HSDL1: variants seen among roughly 807,000 people sequenced by gnomAD.
The protein encoded by HSDL1 is hydroxysteroid dehydrogenase like 1.
Under a neutral mutation model 31.5 loss-of-function variants are expected in HSDL1, and 29 were observed. That is an observed-to-expected ratio of 0.92 (90% CI 0.69 to 1.26). The LOEUF is 1.26. Among genes scored for constraint, HSDL1 ranks in the 50% most tolerant of loss-of-function variants. The pLI is 0.00. For missense variants in HSDL1, 503 were observed against 416.6 expected, an observed-to-expected ratio of 1.21 and a Z score of -1.81; for synonymous variants, 222 against 155.2, an observed-to-expected ratio of 1.43 and a Z score of -3.20.
intron 2 of HSDL1, among the ~76,000 whole-genome samples, chr16:84,135,209 G>GGCAACACCCAAGACCCC (rs1214581779): frequency 6.6e-6 from 1 of 151,100 alleles, no homozygotes; most frequent in African/African-American, 2.4e-5. Flanking sequence ...CTCCAGCCTG[G>GGCAACACCCAAGACCCC]ACGACAGAGG....
rs895544428 is a variant in HSDL1, at chr16:84,123,271, C to T, written c.*1359G>A. On this transcript the variant is annotated 3_prime_UTR_variant, in exon 6 of 6. Coordinates refer to ENST00000219439, the MANE Select transcript of HSDL1 (RefSeq NM_031463.5). ...TAGGTCTGCTTATGATAGATTATCA[C>T]GTCACGAAAAAAATGCCACAGAAGT... is the stretch of plus-strand genomic sequence containing the variant. 3.3e-5 allele frequency: 5 copies of T among 152,170 alleles called. No individual in the cohort carries two copies. The highest frequency in any genetic ancestry group is 1.9e-4 in the East Asian group (1 of 5,204). The allele number at this position is 152,170 out of a possible 1,614,324, so 9.4% of individuals were successfully genotyped here. A position where few individuals can be genotyped will look rare whatever the true frequency, so the allele number is the denominator to read the frequency against.
intron 1 of HSDL1, among the ~76,000 whole-genome samples, chr16:84,136,587 C>A (rs969846332): frequency 1.3e-5 from 2 of 152,218 alleles, no homozygotes; most frequent in Admixed American, 1.3e-4. Flanking sequence ...GCTAAACCCA[C>A]CAGGGACCTC....
At chr16:84,128,428 T>C (rs965360189) in intron 5 of HSDL1, among the ~76,000 whole-genome samples, 1 of 152,182 alleles carries the variant, frequency 6.6e-6, no homozygotes, top group Non-Finnish European at 1.5e-5. Flanking sequence ...AAAGTTACTT[T>C]CTACAGTACT....
chr16:84,129,890 G>C, intron 4 of HSDL1, 96 bp downstream of exon 4: 3 of 1,414,058 alleles, frequency 2.1e-6, no homozygotes, highest in Non-Finnish European at 2.9e-6. Context: ...AAGCATATGT[G>C]AGTTGCTGAC....
At chr16:84,128,888 A>G (rs1024247434) in intron 5 of HSDL1, among the ~76,000 whole-genome samples, 5 of 151,798 alleles carry the variant, frequency 3.3e-5, no homozygotes, top group African/African-American at 1.2e-4. Flanking sequence ...TTGTATTTTT[A>G]GTACAGACAG....
chr16:84,131,800 C>T (rs570674367), intron 2 of HSDL1, among the ~76,000 whole-genome samples: 1 of 152,280 alleles, frequency 6.6e-6, no homozygotes, highest in African/African-American at 2.4e-5. Context: ...CTGCCTCAGC[C>T]TCCGGAGTAG....
chr16:84,137,513 G>A lies in HSDL1; in HGVS notation c.-68-1908C>T, dbSNP rs748722717. Reference sequence around the variant, plus strand: ...TGTTTAGGAAGGTAACGCAGCAGGGGAGGAGGGGGGCTCCTGAGCCCTGGT... The same window carrying A: ...TGTTTAGGAAGGTAACGCAGCAGGGAAGGAGGGGGGCTCCTGAGCCCTGGT... On this transcript the variant is annotated intron_variant, in intron 1 of 5. Transcript: ENST00000219439. Among the ~76,000 whole-genome samples, 18 of 152,186 alleles carry A rather than the reference G, an allele frequency of 1.2e-4. 1 individual carries two copies. Among genetic ancestry groups the A allele is most frequent in the South Asian group, 4.1e-4 (2 of 4,832 alleles).
chr16:84,124,490 T>C lies in HSDL1; in HGVS notation c.*140A>G, dbSNP rs900275273. 36 of 623,648 alleles carry C rather than the reference T, an allele frequency of 5.8e-5. 1 individual carries two copies. Among genetic ancestry groups the C allele is most frequent in the South Asian group, 5.3e-4 (29 of 55,158 alleles). 38.6% of individuals were successfully genotyped at this position (623,648 alleles called of 1,614,324 possible). On this transcript the variant is annotated 3_prime_UTR_variant, in exon 6 of 6. Transcript: ENST00000219439. ...TTCACAGCACTCTGACGGTATTATG[T>C]GTGTTTTGCAAATGACGAATCAACA...
intron 1 of HSDL1, among the ~76,000 whole-genome samples, chr16:84,141,226 GC>G (rs1349082046): frequency 5.5e-5 from 6 of 108,340 alleles, no homozygotes; most frequent in African/African-American, 3.3e-4. Flanking sequence ...TGCCCCTGCA[GC>G]TATATAGTCC....
chr16:84,128,365 A>G (rs2086629498), intron 5 of HSDL1, among the ~76,000 whole-genome samples: 1 of 152,170 alleles, frequency 6.6e-6, no homozygotes, highest in African/African-American at 2.4e-5. Context: ...ATTGTAATAG[A>G]TAATTATGCA....
rs187636756 is a variant in HSDL1, at chr16:84,137,029, T to A, written c.-68-1424A>T. Among the ~76,000 whole-genome samples the A allele has an allele frequency of 4.6e-5, 7 of 152,312 alleles. No individual in the cohort carries two copies. In the East Asian group the frequency reaches 7.7e-4, roughly 17 times the overall value. ...ACTGGTCCTACAGTCTCTCGAGATC[T>A]ACATGGAAAACCAAACTTCTAGAAC... On this transcript the variant is annotated intron_variant, in intron 1 of 5. Transcript: ENST00000219439.
At chr16:84,144,760 G>A (rs980529317) in intron 1 of HSDL1, among the ~76,000 whole-genome samples, 1 of 150,734 alleles carries the variant, frequency 6.6e-6, no homozygotes, top group Non-Finnish European at 1.5e-5. Context: ...GGGGAAGAGA[G>A]AGAACAGGGG....
intron 2 of HSDL1, among the ~76,000 whole-genome samples, chr16:84,135,116 C>T (rs2086700497): frequency 6.6e-6 from 1 of 152,000 alleles, no homozygotes; most frequent in Admixed American, 6.6e-5. Flanking sequence ...ACCTGTAGTC[C>T]CAGCTACTCA....
rs1353920526 is a variant in HSDL1, at chr16:84,144,038, C to T, written c.-69+1042G>A. Among the ~76,000 whole-genome samples, 4 of 142,986 alleles carry T rather than the reference C, an allele frequency of 2.8e-5. No homozygotes were observed. The Admixed American group carries it at 2.8e-4, about 10-fold the overall frequency. The allele number at this position is 142,986 out of a possible 152,430, so 93.8% of individuals were successfully genotyped here. A position where few individuals can be genotyped will look rare whatever the true frequency, so the allele number is the denominator to read the frequency against. ...CTGAATCAATCAATCAATCAACACC[C>T]TCCCCCTCCCCCTCCCTCTCCCTCT... On this transcript the variant is annotated intron_variant, in intron 1 of 5. Coordinates refer to ENST00000219439, the MANE Select transcript of HSDL1 (RefSeq NM_031463.5).
chr16:84,143,834 TAAAAAAAAAAA>T (rs752024972), intron 1 of HSDL1, among the ~76,000 whole-genome samples: 1 of 112,064 alleles, frequency 8.9e-6, no homozygotes, highest in Non-Finnish European at 1.9e-5. Context: ...CCGTCTCTAC[TAAAAAAAAAAA>T]AAAAAAAATT....
Position 84,124,668 on chromosome 16 carries a change from G to A in HSDL1, c.955C>T (p.Arg319Cys), listed in dbSNP as rs997053743. The A allele has an allele frequency of 1.1e-5, 18 of 1,613,832 alleles. No homozygotes were observed. Among genetic ancestry groups the A allele is most frequent in the Middle Eastern group, 1.7e-4 (1 of 6,060 alleles). The change falls in exon 6 of 6, where the codon CGT becomes TGT. Residue 319 changes from arginine (R) to cysteine (C), a missense_variant. Arg to Cys is a radical substitution (Grantham distance 180). Coordinates refer to ENST00000219439, the MANE Select transcript of HSDL1 (RefSeq NM_031463.5). ...GATAAGGCTTCCTTACGTAGTGAAC[G>A]GTTGAGAATATTTGCTCCCCACACC... ...LWVWGANILN[R>C]SLRKEALSCT...
At chr16:84,136,940 T>A (rs1035365453) in intron 1 of HSDL1, among the ~76,000 whole-genome samples, 2 of 152,072 alleles carry the variant, frequency 1.3e-5, no homozygotes, top group African/African-American at 4.8e-5. Context: ...GACTGATACA[T>A]TCAAATGCCA....
intron 2 of HSDL1, among the ~76,000 whole-genome samples, chr16:84,132,458 T>C (rs943730664): frequency 6.6e-6 from 1 of 152,216 alleles, no homozygotes; most frequent in Non-Finnish European, 1.5e-5. Flanking sequence ...CACTCCTCCA[T>C]CTTCTAACTT....
intron 5 of HSDL1, among the ~76,000 whole-genome samples, chr16:84,128,213 C>T (rs563711612): frequency 4.0e-5 from 6 of 151,396 alleles, no homozygotes; most frequent in Non-Finnish European, 5.9e-5. Flanking sequence ...CACTTGAACC[C>T]GAGAGGTGGA....
Sources: allele counts gnomAD v4.1 joint callset (sites outside exome capture counted in the v4.1 genomes callset), GRCh38; gene constraint gnomAD v4.1.1; transcripts MANE v1.5; gene names NCBI Gene and HGNC (gene_info 2026-07-23, HGNC 2026-07-21).